The following PCGF3 variants were observed in gnomAD, a reference collection of about 807,000 sequenced individuals.
The protein encoded by PCGF3 is polycomb group RING finger protein 3.
A neutral mutation model predicts 33.1 loss-of-function variants in PCGF3; 7 were observed. The observed-to-expected ratio is 0.21, with a 90% confidence interval of 0.12 to 0.40. The LOEUF is 0.40. Ranked by LOEUF, PCGF3 falls within the 10% of genes least tolerant of loss-of-function variation. The pLI is 1.00. For synonymous variants in PCGF3, 153 were observed against 121.3 expected (o/e 1.26, Z -1.72); for missense variants, 211 against 313.3 (o/e 0.67, Z 2.46).
At chr4:718,052 G>A (rs1301707552) in intron 1 of PCGF3, among the ~76,000 whole-genome samples, 1 of 152,196 alleles carries the variant, frequency 6.6e-6, no homozygotes, top group African/African-American at 2.4e-5. Flanking sequence ...GGTTTCTAGG[G>A]GGGCCCAGTG....
At chr4:715,215 G>C (rs1425354284) in intron 1 of PCGF3, among the ~76,000 whole-genome samples, 1 of 129,540 alleles carries the variant, frequency 7.7e-6, no homozygotes, top group African/African-American at 2.8e-5. Flanking sequence ...ACTGGGTGTT[G>C]GTGCTGGGAC....
chr4:751,657 G>T (rs1531584), intron 8 of PCGF3, among the ~76,000 whole-genome samples: 4 of 150,528 alleles, frequency 2.7e-5, no homozygotes, highest in African/African-American at 7.3e-5. Context: ...CTGCCACCCA[G>T]GCCCATGTTT....
At position 769,626 on chromosome 4, in the gene PCGF3, A is replaced by C. The variant is rs1402606486; in HGVS notation, c.*3547A>C. ...GCCACGTGGCCAAGGCCCTGCAGGAACGCGCCGAGGTCTCCCTCACCCTCC... is the reference window on the plus strand; with the variant it reads ...GCCACGTGGCCAAGGCCCTGCAGGACCGCGCCGAGGTCTCCCTCACCCTCC... On this transcript the variant is annotated 3_prime_UTR_variant, in exon 11 of 11. Coordinates refer to ENST00000362003, the Ensembl canonical transcript of PCGF3. 4 of 152,604 alleles carry C rather than the reference A, an allele frequency of 2.6e-5. No homozygotes were observed. In the East Asian group the frequency reaches 7.7e-4, roughly 29 times the overall value. The allele number at this position is 152,604 out of a possible 1,614,324, so 9.5% of individuals were successfully genotyped here. A position where few individuals can be genotyped will look rare whatever the true frequency, so the allele number is the denominator to read the frequency against.
At chr4:713,686 A>G (rs1446317780) in intron 1 of PCGF3, among the ~76,000 whole-genome samples, 1 of 152,146 alleles carries the variant, frequency 6.6e-6, no homozygotes, top group Non-Finnish European at 1.5e-5. Context: ...TGCTCAATAA[A>G]CAGTAACCGG....
At chr4:762,284 G>C (rs1309829406) in intron 9 of PCGF3, 12 of 204,202 alleles carry the variant, frequency 5.9e-5, no homozygotes, top group Admixed American at 2.0e-4. Context: ...AGGAAGACTC[G>C]AGACAGGAGG....
intron 3 of PCGF3, among the ~76,000 whole-genome samples, chr4:732,123 C>T (rs1283198515): frequency 2.3e-4 from 20 of 86,922 alleles, no homozygotes; most frequent in African/African-American, 9.3e-4. Context: ...GGGCGTGGTC[C>T]TCAGGGGCGT....
chr4:733,996 G>T, intron 4 of PCGF3: 6 of 1,551,112 alleles, frequency 3.9e-6, no homozygotes, highest in Non-Finnish European at 5.2e-6. Context: ...AGCAGATGAG[G>T]CCTCGCTTAG....
intron 1 of PCGF3, among the ~76,000 whole-genome samples, chr4:726,265 GCT>G (rs1271550393): frequency 1.3e-5 from 2 of 152,246 alleles, no homozygotes; most frequent in African/African-American, 2.4e-5. Context: ...CTTTTGTGAA[GCT>G]CTCTGTTGGC....
intron 10 of PCGF3, among the ~76,000 whole-genome samples, chr4:765,282 A>T (rs1278956514): frequency 6.6e-6 from 1 of 152,096 alleles, no homozygotes; most frequent in Admixed American, 6.5e-5. Flanking sequence ...AAATACAAAA[A>T]ATTAGCCAGG....
exon 11 of PCGF3, chr4:768,810 GT>G (rs1432825123): frequency 2.0e-5 from 3 of 152,568 alleles, no homozygotes; most frequent in Non-Finnish European, 2.9e-5. Context: ...ATTGTGAGAT[GT>G]TTTGCAAGCT....
At chr4:732,347 TTCCCTTCCCCTCCCC>T (rs958649605) in intron 3 of PCGF3, 3 of 126,858 alleles carry the variant, frequency 2.4e-5, no homozygotes, top group East Asian at 2.9e-4. Flanking sequence ...CTCCCCTCCC[TTCCCTTCCCCTCCCC>T]TCCCTTCTCC....
At chr4:762,435 A>G (rs1745111784) in intron 9 of PCGF3, 1 of 152,230 alleles carries the variant, frequency 6.6e-6, no homozygotes, top group African/African-American at 2.4e-5. Flanking sequence ...CCCCAGATTC[A>G]TGTTGGAAAT....
intron 4 of PCGF3, 39 bp downstream of exon 4, chr4:733,828 C>T (rs201964540): frequency 5.6e-5 from 91 of 1,613,414 alleles, no homozygotes; most frequent in Non-Finnish European, 5.6e-5. Context: ...AGGGCGCGCC[C>T]TTCCCAGCTC....
At chr4:766,956 G>A (rs748573399) in exon 11 of PCGF3, 4 of 152,316 alleles carry the variant, frequency 2.6e-5, no homozygotes, top group African/African-American at 4.8e-5. Flanking sequence ...TTTGCTGAAG[G>A]GAGAGGTGGT....
At chr4:732,919 G>A (rs1313435554) in intron 3 of PCGF3, among the ~76,000 whole-genome samples, 1 of 152,220 alleles carries the variant, frequency 6.6e-6, no homozygotes, top group Non-Finnish European at 1.5e-5. Context: ...GTCGTGCGGT[G>A]ACATCGGGGG....
chr4:718,589 T>C (rs1382086958), intron 1 of PCGF3, among the ~76,000 whole-genome samples: 1 of 152,264 alleles, frequency 6.6e-6, no homozygotes, highest in Non-Finnish European at 1.5e-5. Context: ...GTGTGAGTGC[T>C]GTGCTCTGTG....
chr4:761,550 C>T (rs967566731), intron 9 of PCGF3, 134 bp downstream of exon 9: 4 of 1,388,544 alleles, frequency 2.9e-6, no homozygotes, highest in Admixed American at 5.0e-5. Context: ...ATCCGTTTTG[C>T]CTGCTTCACC....
chr4:712,423 G>A (rs1363244660), intron 1 of PCGF3, among the ~76,000 whole-genome samples: 3 of 151,936 alleles, frequency 2.0e-5, no homozygotes, highest in Non-Finnish European at 2.9e-5. Context: ...TAATATTCGT[G>A]TTTGTTTGTT....
chr4:755,904 CTTTTTTTTTTTTTT>C (rs570528684), intron 8 of PCGF3, among the ~76,000 whole-genome samples: 3 of 87,178 alleles, frequency 3.4e-5, no homozygotes, highest in Admixed American at 1.3e-4. Flanking sequence ...CAGAATTGTC[CTTTTTTTTTTTTTT>C]TTTTTTTTTT....
Sources: allele counts gnomAD v4.1 joint callset (sites outside exome capture counted in the v4.1 genomes callset), GRCh38; gene constraint gnomAD v4.1.1; transcripts MANE v1.5; gene names NCBI Gene and HGNC (gene_info 2026-07-23, HGNC 2026-07-21).